SMC1B: variants seen among roughly 807,000 people sequenced by gnomAD.
SMC1B encodes structural maintenance of chromosomes protein 1B.
A neutral mutation model predicts 157.9 loss-of-function variants in SMC1B; 60 were observed. The ratio of observed to expected loss-of-function variants is 0.38; its 90% CI spans 0.31 to 0.47. The LOEUF (loss-of-function observed/expected upper bound fraction) is 0.47, where lower values mean the gene tolerates loss of function less well. Among genes scored for constraint, SMC1B ranks in the 20% least tolerant of loss-of-function variants. The pLI is 0.99. For missense variants in SMC1B, 1,165 were observed against 1,426.2 expected, an observed-to-expected ratio of 0.82 and a Z score of 2.95; for synonymous variants, 445 against 483.0, an observed-to-expected ratio of 0.92 and a Z score of 1.03.
At chr22:45,392,481 T>TTG (rs136602) in intron 9 of SMC1B, among the ~76,000 whole-genome samples, 87,365 of 147,852 alleles carry the variant, frequency 0.59, 27,164 homozygotes, top group African/African-American at 0.8. Context: ...TTTTAACTAG[T>TTG]TGTGTGTGTG....
At position 45,370,036 on chromosome 22, in the gene SMC1B, A is replaced by G; in HGVS notation, c.2338T>C (p.Phe780Leu). ...TTTTCCACGCCAATTTCTTCACAGA[A>G]GTGTTGGAAGATATCGTCTTCTACC... ...DKVEDDIFQH[F>L]CEEIGVENIR... Residue 780 changes from phenylalanine to leucine, a missense_variant, in exon 15 of 25, where the codon TTC (phenylalanine) becomes CTC (leucine). Coordinates refer to ENST00000357450, the MANE Select transcript of SMC1B (RefSeq NM_148674.5). The G allele has an allele frequency of 6.3e-7, 1 of 1,588,218 alleles. No individual in the cohort carries two copies. The highest frequency in any genetic ancestry group is 1.2e-5 in the South Asian group (1 of 85,656).
chr22:45,372,160 A>G lies in SMC1B; in HGVS notation c.2191T>C (p.Tyr731His), dbSNP rs1441222085. The change falls in exon 13 of 25, where the codon TAC becomes CAC. Residue 731 changes from tyrosine to histidine, a missense_variant. By Grantham distance (83) the Tyr-to-His change is moderately conservative. Transcript: ENST00000357450. ...TTTATGTAAGTCTATATTACCTGGT[A>G]AAAAGCAACAAGGTGCTTCTTCTTA... ...MIKKKHLVAF[Y>H]QEQSQLQSEL... 3.7e-6 allele frequency: 6 copies of G among 1,601,686 alleles called. No homozygotes were observed. The highest frequency in any genetic ancestry group is 1.3e-5 in the African/African-American group (1 of 74,176).
intron 23 of SMC1B, among the ~76,000 whole-genome samples, chr22:45,346,108 G>A (rs1053521214): frequency 1.3e-5 from 2 of 151,698 alleles, no homozygotes; most frequent in South Asian, 4.2e-4. Context: ...GGGAGGCTGA[G>A]GCAGGAAAAT....
chr22:45,347,635 A>G (rs1456313028), intron 23 of SMC1B, among the ~76,000 whole-genome samples: 4 of 152,162 alleles, frequency 2.6e-5, no homozygotes, highest in Admixed American at 2.0e-4. Flanking sequence ...TTTATTTATA[A>G]TAGAGACAAG....
chr22:45,396,312 T>A, intron 7 of SMC1B, 34 bp downstream of exon 7: 1 of 1,562,866 alleles, frequency 6.4e-7, no homozygotes, highest in Non-Finnish European at 8.7e-7. Context: ...TCATTAAGAA[T>A]GATTCTAAAT....
intron 19 of SMC1B, among the ~76,000 whole-genome samples, chr22:45,355,511 G>T (rs189454105): frequency 2.9e-4 from 44 of 152,248 alleles, no homozygotes; most frequent in African/African-American, 1.0e-3. Context: ...TAAGAGACAG[G>T]TCTCACTCTG....
chr22:45,381,112 G>A (rs759065294), intron 12 of SMC1B, among the ~76,000 whole-genome samples: 4 of 152,024 alleles, frequency 2.6e-5, no homozygotes, highest in Non-Finnish European at 4.4e-5. Context: ...ACGTTTTTTA[G>A]TCCTAGGAAA....
intron 24 of SMC1B, among the ~76,000 whole-genome samples, chr22:45,345,031 G>T (rs1425982529): frequency 6.6e-6 from 1 of 152,162 alleles, no homozygotes; most frequent in Non-Finnish European, 1.5e-5. Flanking sequence ...TCACATTTTA[G>T]AAGTTACTAT....
rs1393711856 is a variant in SMC1B, at chr22:45,393,875, A to T, written c.1338-34T>A. On this transcript the variant is annotated intron_variant, in intron 8 of 24. Coordinates refer to ENST00000357450, the MANE Select transcript of SMC1B (RefSeq NM_148674.5). ...TAACAACAAATTATACAGCAAAATGATAAACCAAAATTTAGGAATTACCAG... is the reference window on the plus strand; with the variant it reads ...TAACAACAAATTATACAGCAAAATGTTAAACCAAAATTTAGGAATTACCAG... 4 of 1,504,620 alleles carry T rather than the reference A, an allele frequency of 2.7e-6. No homozygotes were observed. The South Asian group carries it at 3.6e-5, about 14-fold the overall frequency. The allele number at this position is 1,504,620 out of a possible 1,614,324, so 93.2% of individuals were successfully genotyped here.
chr22:45,385,585 T>A (rs2086981911), intron 11 of SMC1B, among the ~76,000 whole-genome samples: 1 of 152,138 alleles, frequency 6.6e-6, no homozygotes, highest in African/African-American at 2.4e-5. Flanking sequence ...GTAAAGATGT[T>A]ACTGTGAACA....
At chr22:45,353,026 G>A (rs1334400955) in intron 21 of SMC1B, among the ~76,000 whole-genome samples, 2 of 152,088 alleles carry the variant, frequency 1.3e-5, no homozygotes, top group Non-Finnish European at 2.9e-5. Flanking sequence ...ATCCCAGCAC[G>A]TTGGGAGGCC....
chr22:45,386,148 T>C (rs2086987005), intron 11 of SMC1B, among the ~76,000 whole-genome samples: 1 of 152,030 alleles, frequency 6.6e-6, no homozygotes, highest in Admixed American at 6.6e-5. Context: ...GTTTAGAAAC[T>C]TCCCTAAAGT....
Position 45,386,932 on chromosome 22 carries a change from C to A in SMC1B, c.1846G>T (p.Gly616Cys). The A allele has an allele frequency of 6.2e-7, 1 of 1,614,040 alleles. No individual in the cohort carries two copies. Reference sequence around the variant, plus strand: ...TCTTCCATAGTCTCACAAACAAGACCATTTCCACACACAAACTGAATCACT... The same window carrying A: ...TCTTCCATAGTCTCACAAACAAGACAATTTCCACACACAAACTGAATCACT... ...KKVIQFVCGN[G>C]LVCETMEEAR... Residue 616 changes from glycine (G) to cysteine (C), a missense_variant, in exon 11 of 25, where the codon GGT becomes TGT. Gly to Cys is a radical substitution (Grantham distance 159). Coordinates refer to ENST00000357450, the MANE Select transcript of SMC1B (RefSeq NM_148674.5).
chr22:45,391,064 CT>C (rs136600), intron 9 of SMC1B, among the ~76,000 whole-genome samples: 17,604 of 142,476 alleles, frequency 0.12, 1,110 homozygotes, highest in South Asian at 0.21. Flanking sequence ...TATTTGCTAC[CT>C]TTTTTTTTTT....
At chr22:45,401,143 C>A (rs2087187872) in intron 5 of SMC1B, among the ~76,000 whole-genome samples, 1 of 152,088 alleles carries the variant, frequency 6.6e-6, no homozygotes, top group African/African-American at 2.4e-5. Context: ...TTAATTCTGA[C>A]AATGTATCAT....
chr22:45,380,826 T>G (rs2086929115), intron 12 of SMC1B, among the ~76,000 whole-genome samples: 3 of 152,272 alleles, frequency 2.0e-5, no homozygotes, highest in Non-Finnish European at 4.4e-5. Context: ...CTTGGGTGGC[T>G]GAGGTAGAAG....
At chr22:45,407,883 A>G (rs1279746181) in intron 2 of SMC1B, among the ~76,000 whole-genome samples, 1 of 152,082 alleles carries the variant, frequency 6.6e-6, no homozygotes, top group Non-Finnish European at 1.5e-5. Flanking sequence ...TTCTATCCAC[A>G]CCTTTAAAAA....
intron 22 of SMC1B, among the ~76,000 whole-genome samples, chr22:45,351,788 T>A (rs974102774): frequency 2.0e-5 from 3 of 152,236 alleles, no homozygotes; most frequent in Non-Finnish European, 4.4e-5. Flanking sequence ...TAGATCTTCA[T>A]CTAATGTTCT....
chr22:45,374,593 A>G (rs2086867503), intron 12 of SMC1B, among the ~76,000 whole-genome samples: 1 of 152,220 alleles, frequency 6.6e-6, no homozygotes, highest in Admixed American at 6.5e-5. Flanking sequence ...AGTCTTCAAA[A>G]TAATGTTTTC....
Sources: gnomAD v4.1 joint callset for allele counts (sites outside exome capture counted in the v4.1 genomes callset) on GRCh38, gnomAD v4.1.1 for gene constraint, MANE v1.5 for transcripts, NCBI Gene and HGNC (gene_info 2026-07-23, HGNC 2026-07-21) for gene names.